TENM4: variants seen among roughly 807,000 people sequenced by gnomAD.
TENM4 encodes teneurin-4.
A neutral mutation model predicts 243.3 loss-of-function variants in TENM4; 82 were observed. The observed-to-expected ratio is 0.34, with a 90% confidence interval of 0.28 to 0.40. The LOEUF is 0.40. Among genes scored for constraint, TENM4 ranks in the 10% least tolerant of loss-of-function variants. The probability of loss-of-function intolerance (pLI) is 1.00; values close to 1 mark genes in which losing one functional copy is unlikely to be tolerated. For synonymous variants in TENM4, 1,412 were observed against 1,456.3 expected, an observed-to-expected ratio of 0.97 and a Z score of 0.69; for missense variants, 3,138 against 3,673.3, an observed-to-expected ratio of 0.85 and a Z score of 3.77.
At chr11:78,758,636 G>C (rs764323623) in intron 18 of TENM4, among the ~76,000 whole-genome samples, 1 of 152,182 alleles carries the variant, frequency 6.6e-6, no homozygotes, top group Admixed American at 6.5e-5. Flanking sequence ...TGGTGTCCCC[G>C]ATCCTCCTTG....
At chr11:79,006,174 AC>A (rs745640302) in intron 6 of TENM4, among the ~76,000 whole-genome samples, 54 of 152,042 alleles carry the variant, frequency 3.6e-4, no homozygotes, top group Admixed American at 8.5e-4. Context: ...TGTTTTCCTC[AC>A]CACTTCTCTT....
At chr11:78,687,355 C>T (rs759886678) in intron 29 of TENM4, among the ~76,000 whole-genome samples, 61 of 152,276 alleles carry the variant, frequency 4.0e-4, no homozygotes, top group South Asian at 2.3e-3. Context: ...TTCACTGCTT[C>T]GTGTGAAAGC....
At chr11:79,052,676 A>G (rs993831109) in intron 6 of TENM4, among the ~76,000 whole-genome samples, 4 of 152,224 alleles carry the variant, frequency 2.6e-5, no homozygotes, top group African/African-American at 7.2e-5. Context: ...AGCAGCATCC[A>G]TCACAGCTTA....
At chr11:78,702,980 G>T (rs1859145909) in intron 27 of TENM4, among the ~76,000 whole-genome samples, 1 of 152,178 alleles carries the variant, frequency 6.6e-6, no homozygotes. Context: ...TTAACAGCTG[G>T]CTAGCTGCTA....
intron 6 of TENM4, among the ~76,000 whole-genome samples, chr11:79,026,473 G>C (rs1219487764): frequency 6.6e-6 from 1 of 152,142 alleles, no homozygotes; most frequent in African/African-American, 2.4e-5. Flanking sequence ...TTCTACCAAA[G>C]GCATCTGGTA....
intron 4 of TENM4, among the ~76,000 whole-genome samples, chr11:79,099,333 C>T (rs1861164773): frequency 6.6e-6 from 1 of 152,116 alleles, no homozygotes; most frequent in South Asian, 2.1e-4. Context: ...TGTGGAACAT[C>T]CCATCCCATT....
intron 19 of TENM4, among the ~76,000 whole-genome samples, chr11:78,748,984 C>A (rs931217707): frequency 2.0e-5 from 3 of 152,178 alleles, no homozygotes; most frequent in Non-Finnish European, 4.4e-5. Context: ...TGAATCCAGG[C>A]TCTCTCCCTC....
At chr11:79,229,019 T>C (rs930048156) in intron 2 of TENM4, among the ~76,000 whole-genome samples, 1 of 152,214 alleles carries the variant, frequency 6.6e-6, no homozygotes, top group Admixed American at 6.5e-5. Flanking sequence ...TTTTTAGATG[T>C]TCTTTGTTTT....
At chr11:78,834,304 G>GT (rs1286838103) in intron 12 of TENM4, among the ~76,000 whole-genome samples, 2 of 152,228 alleles carry the variant, frequency 1.3e-5, no homozygotes, top group Admixed American at 6.5e-5. Flanking sequence ...ACAGGCTATA[G>GT]TCTTTTTCTC....
rs934917951 is a variant in TENM4, at chr11:78,767,217, C to T, written c.2539+3775G>A. 1.6e-4 allele frequency among the ~76,000 whole-genome samples: 24 copies of T among 152,276 alleles called. 2 individuals are homozygous for T. Among genetic ancestry groups the T allele is most frequent in the Middle Eastern group, 3.4e-3 (1 of 294 alleles). ...CACATACTCTGGCAGTTTCTGCGAC[C>T]GGCCAGCTGTGTGACTTCTGCGAAA... On this transcript the variant is annotated intron_variant, in intron 18 of 33. Coordinates refer to ENST00000278550, the MANE Select transcript of TENM4 (RefSeq NM_001098816.3).
At chr11:79,360,882 G>C (rs1192688767) in intron 1 of TENM4, among the ~76,000 whole-genome samples, 2 of 152,190 alleles carry the variant, frequency 1.3e-5, no homozygotes, top group East Asian at 1.9e-4. Context: ...ACTAAAAACT[G>C]TCTCTGAATG....
intron 12 of TENM4, among the ~76,000 whole-genome samples, chr11:78,841,639 C>T (rs111309657): frequency 2.2e-3 from 342 of 152,274 alleles, no homozygotes; most frequent in African/African-American, 8.0e-3. Context: ...TCTCCCCTCT[C>T]TCCTGGGCCT....
chr11:79,109,707 G>C (rs1057252053), intron 4 of TENM4, among the ~76,000 whole-genome samples: 3 of 152,192 alleles, frequency 2.0e-5, no homozygotes, highest in Non-Finnish European at 4.4e-5. Context: ...TTCTGAACCC[G>C]CTGCCTTCCA....
intron 6 of TENM4, among the ~76,000 whole-genome samples, chr11:79,011,657 C>T (rs1474840665): frequency 6.6e-6 from 1 of 152,236 alleles, no homozygotes; most frequent in African/African-American, 2.4e-5. Flanking sequence ...GGCTTGGCAG[C>T]CCCTATCCAG....
chr11:78,994,200 T>A (rs1011465869), intron 6 of TENM4, among the ~76,000 whole-genome samples: 1 of 152,220 alleles, frequency 6.6e-6, no homozygotes, highest in African/African-American at 2.4e-5. Context: ...CGGAAACATC[T>A]CTCAGCCTGG....
intron 4 of TENM4, among the ~76,000 whole-genome samples, chr11:79,084,670 A>G (rs1860761910): frequency 6.7e-6 from 1 of 149,404 alleles, no homozygotes; most frequent in Admixed American, 6.7e-5. Flanking sequence ...AAACTTTAGC[A>G]ATGGAGAACA....
chr11:79,058,639 C>A (rs1344603975), intron 6 of TENM4, among the ~76,000 whole-genome samples: 1 of 152,138 alleles, frequency 6.6e-6, no homozygotes, highest in Non-Finnish European at 1.5e-5. Context: ...ATGCACCCTT[C>A]AATGAGATAA....
chr11:79,363,195 A>G (rs1857620183), intron 1 of TENM4, among the ~76,000 whole-genome samples: 1 of 152,264 alleles, frequency 6.6e-6, no homozygotes, highest in Non-Finnish European at 1.5e-5. Context: ...TATAATGACA[A>G]AACACTCACC....
At chr11:79,194,471 T>G (rs1024794830) in intron 3 of TENM4, among the ~76,000 whole-genome samples, 5 of 152,074 alleles carry the variant, frequency 3.3e-5, no homozygotes, top group Non-Finnish European at 7.4e-5. Flanking sequence ...AAAATGCTGA[T>G]AGTGATATGA....
Sources: gnomAD v4.1 joint callset for allele counts (sites outside exome capture counted in the v4.1 genomes callset) on GRCh38, gnomAD v4.1.1 for gene constraint, MANE v1.5 for transcripts, NCBI Gene and HGNC (gene_info 2026-07-23, HGNC 2026-07-21) for gene names.